Variants in RAP1GAP2 observed in about 807,000 individuals in gnomAD.
RAP1GAP2 encodes the protein RAP1 GTPase activating protein 2.
RAP1GAP2 carries 27 observed loss-of-function variants against 95.0 expected under a neutral mutation model. That is an observed-to-expected ratio of 0.28 (90% CI 0.21 to 0.39). RAP1GAP2 has a LOEUF of 0.39. Ranked by LOEUF, RAP1GAP2 falls within the 10% of genes least tolerant of loss-of-function variation. RAP1GAP2 has a pLI of 1.00. For synonymous variants in RAP1GAP2, 373 were observed against 380.9 expected (o/e 0.98, Z 0.24); for missense variants, 771 against 970.0 (o/e 0.79, Z 2.72).
chr17:2,963,291 T>C lies in RAP1GAP2; in HGVS notation c.247-139T>C. 1.0e-6 allele frequency: 1 copy of C among 957,854 alleles called. No homozygotes were observed. The highest frequency in any genetic ancestry group is 1.8e-5 in the Admixed American group (1 of 56,196). 59.3% of individuals were successfully genotyped at this position (957,854 alleles called of 1,614,324 possible). A position where few individuals can be genotyped will look rare whatever the true frequency, so the allele number is the denominator to read the frequency against. ...GGGGGATGTTAGATTCCAGAGCTGA[T>C]TCTGAGCTGTTCTTCCATCGAATGT... On this transcript the variant is annotated intron_variant, in intron 5 of 24. Transcript: ENST00000254695. This position sits in a 1 kb window ranked among gnomAD's most constrained non-coding sequence, Gnocchi z 4.8.
At position 2,981,177 on chromosome 17, in the gene RAP1GAP2, C is replaced by T; in HGVS notation, c.676-18C>T. On this transcript the variant is annotated intron_variant, in intron 9 of 24. Transcript: ENST00000254695. ...TACAGATATCATCCCTGACCTGCGT[C>T]TTCTTCTCCCTTCTCAGGCTTTCTG... is the stretch of plus-strand genomic sequence containing the variant. The T allele has an allele frequency of 1.9e-6, 3 of 1,583,584 alleles. No individual in the cohort carries two copies. Among genetic ancestry groups the T allele is most frequent in the East Asian group, 2.2e-5 (1 of 44,828 alleles).
upstream of RAP1GAP2, among the ~76,000 whole-genome samples, chr17:2,796,080 G>T (rs2069071931): frequency 6.6e-6 from 1 of 152,160 alleles, no homozygotes; most frequent in Non-Finnish European, 1.5e-5. This position sits in a 1 kb window ranked among gnomAD's most constrained non-coding sequence, Gnocchi z 4.7. Context: ...CAGCCCTCGG[G>T]AGTGGGTGTG....
chr17:2,995,254 G>A (rs528118813), intron 12 of RAP1GAP2, 83 bp from the exon 13 acceptor site: 12 of 1,487,232 alleles, frequency 8.1e-6, no homozygotes, highest in African/African-American at 1.4e-5. Flanking sequence ...CCTCTGCTGC[G>A]TATACTTAGG....
chr17:2,953,918 C>T (rs1438559517), intron 3 of RAP1GAP2, among the ~76,000 whole-genome samples: 1 of 152,176 alleles, frequency 6.6e-6, no homozygotes, highest in African/African-American at 2.4e-5. Context: ...TGTGTAACCA[C>T]CATCATAATC....
At chr17:2,786,858 G>GCTGGTCTCAAACTC (rs1457434465) in intron 1 of RAP1GAP2, among the ~76,000 whole-genome samples, 1 of 151,726 alleles carries the variant, frequency 6.6e-6, no homozygotes, top group East Asian at 1.9e-4. Flanking sequence ...TCTTGGCAGG[G>GCTGGTCTCAAACTC]CTGGTCTCAA....
chr17:2,755,875 G>A (rs1475922522), intron 1 of RAP1GAP2: 2 of 314,092 alleles, frequency 6.4e-6, no homozygotes, highest in Non-Finnish European at 1.2e-5. Context: ...CCGGGCTGAG[G>A]CTGCGGGGCC....
At chr17:2,832,084 A>G (rs141787200) in intron 2 of RAP1GAP2, among the ~76,000 whole-genome samples, 5,603 of 151,178 alleles carry the variant, frequency 0.037, 301 homozygotes, top group South Asian at 0.12. Flanking sequence ...GGTGCCTGTA[A>G]TCCCAGCTAC....
intron 1 of RAP1GAP2, among the ~76,000 whole-genome samples, chr17:2,788,696 T>C (rs896360883): frequency 3.3e-5 from 5 of 152,150 alleles, no homozygotes; most frequent in Admixed American, 2.0e-4. Flanking sequence ...TATGTTCTAG[T>C]CCAAGTCCTA....
At chr17:2,785,971 G>C (rs373785952) in intron 1 of RAP1GAP2, among the ~76,000 whole-genome samples, 1 of 145,024 alleles carries the variant, frequency 6.9e-6, no homozygotes, top group African/African-American at 2.6e-5. Flanking sequence ...GTCAGATCTC[G>C]GCTCACCGCA....
intron 3 of RAP1GAP2, among the ~76,000 whole-genome samples, chr17:2,952,224 T>C (rs2043948801): frequency 6.6e-6 from 1 of 152,194 alleles, no homozygotes; most frequent in Non-Finnish European, 1.5e-5. Flanking sequence ...AATGGGATCA[T>C]CTTGTTCAAA....
chr17:2,783,187 G>C (rs1425137851), intron 1 of RAP1GAP2, among the ~76,000 whole-genome samples: 2 of 152,194 alleles, frequency 1.3e-5, no homozygotes, highest in African/African-American at 4.8e-5. Flanking sequence ...TCACAAAGCT[G>C]TGAAGCTGTG....
At chr17:2,926,787 C>A (rs1192320937) in intron 3 of RAP1GAP2, among the ~76,000 whole-genome samples, 1 of 151,818 alleles carries the variant, frequency 6.6e-6, no homozygotes, top group Non-Finnish European at 1.5e-5. Flanking sequence ...GGCGGATCAC[C>A]TGAGGTCAAG....
chr17:2,969,164 T>TATCC lies in RAP1GAP2; in HGVS notation c.596+3524_596+3525insCATC. Among the ~76,000 whole-genome samples, 3 of 72,644 alleles carry TATCC rather than the reference T, an allele frequency of 4.1e-5. No homozygotes were observed. The Middle Eastern group carries it at 0.023, about 559-fold the overall frequency. The allele number at this position is 72,644 out of a possible 152,430, so 47.7% of individuals were successfully genotyped here. On this transcript the variant is annotated intron_variant, in intron 8 of 24. Coordinates refer to ENST00000254695, the MANE Select transcript of RAP1GAP2 (RefSeq NM_015085.5). Reference sequence around the variant, plus strand: ...TATCAATTATATACATATTTTTCTTTATCTATCTATCTATCTATATATATA... The same window carrying TATCC: ...TATCAATTATATACATATTTTTCTTTATCCATCTATCTATCTATCTATATATATA...
rs140874084 is a variant in RAP1GAP2, at chr17:2,840,227, G to A, written c.80+39677G>A. On this transcript the variant is annotated intron_variant, in intron 2 of 24. Transcript: ENST00000254695. ...CAGTGTCACTGGAGTGCGGTGGCGC[G>A]ATCTCGGTTCACTGCGACCCCCACC... Among the ~76,000 whole-genome samples, 351 of 151,258 alleles carry A rather than the reference G, an allele frequency of 2.3e-3. 1 individual carries two copies. The highest frequency in any genetic ancestry group is 7.9e-3 in the African/African-American group (325 of 41,204).
At chr17:2,954,698 A>T (rs2151465979) in intron 3 of RAP1GAP2, among the ~76,000 whole-genome samples, 1 of 151,934 alleles carries the variant, frequency 6.6e-6, no homozygotes, top group East Asian at 1.9e-4. Context: ...GGTTCAAGCG[A>T]TTCTCCTGCC....
At chr17:3,007,904 G>C (rs772288801) in intron 16 of RAP1GAP2, 107 bp from the exon 17 acceptor site, 8 of 1,364,648 alleles carry the variant, frequency 5.9e-6, no homozygotes, top group South Asian at 1.4e-5. Flanking sequence ...GCTGGGCCGG[G>C]CTGGGCAGAA....
At position 2,867,571 on chromosome 17, in the gene RAP1GAP2, G is replaced by A. The variant is rs2072666138; in HGVS notation, c.81-37713G>A. ...ATGGCTCACCCTGGACAGAAAGTGA[G>A]TCACATACGCATCCCTGAACTTTGG... On this transcript the variant is annotated intron_variant, in intron 2 of 24. Coordinates refer to ENST00000254695, the MANE Select transcript of RAP1GAP2 (RefSeq NM_015085.5). The surrounding 1 kb of genome is among the most constrained non-coding windows in gnomAD (Gnocchi z 4.5). Among the ~76,000 whole-genome samples, 1 of 152,204 alleles carries A rather than the reference G, an allele frequency of 6.6e-6. No individual in the cohort carries two copies. The highest frequency in any genetic ancestry group is 1.5e-5 in the Non-Finnish European group (1 of 68,042).
At chr17:2,936,190 T>C (rs1323094103) in intron 3 of RAP1GAP2, among the ~76,000 whole-genome samples, 1 of 151,350 alleles carries the variant, frequency 6.6e-6, no homozygotes, top group African/African-American at 2.4e-5. Flanking sequence ...ACGTGCCATG[T>C]TGGTGTGCTG....
At chr17:3,021,152 C>T (rs887081375) in intron 19 of RAP1GAP2, among the ~76,000 whole-genome samples, 3 of 152,140 alleles carry the variant, frequency 2.0e-5, no homozygotes, top group Non-Finnish European at 2.9e-5. Context: ...TATCCATCAC[C>T]TCAAACATTG....
Sources: gnomAD v4.1 joint callset for allele counts (sites outside exome capture counted in the v4.1 genomes callset) on GRCh38, gnomAD v4.1.1 for gene constraint, Gnocchi (gnomAD v3.1) non-coding constraint, MANE v1.5 for transcripts, NCBI Gene and HGNC (gene_info 2026-07-23, HGNC 2026-07-21) for gene names.